TF: variants seen among roughly 807,000 people sequenced by gnomAD.
The protein encoded by TF is transferrin, also known as serotransferrin.
A neutral mutation model predicts 82.4 loss-of-function variants in TF; 55 were observed. That is an observed-to-expected ratio of 0.67 (90% confidence interval 0.54 to 0.84). TF has a LOEUF of 0.84. Among genes scored for constraint, TF ranks in the 40% least tolerant of loss-of-function variants. The probability of loss-of-function intolerance (pLI) is 0.00; values close to 1 mark genes in which losing one functional copy is unlikely to be tolerated. For missense variants in TF, 737 were observed against 868.4 expected, an observed-to-expected ratio of 0.85 and a Z score of 1.90; for synonymous variants, 332 against 332.6, an observed-to-expected ratio of 1.00 and a Z score of 0.02.
the TF span, among the ~76,000 whole-genome samples, chr3:133,713,575 A>T: frequency 1.3e-5 from 2 of 152,228 alleles, no homozygotes. Flanking sequence ...TCTTATAAGC[A>T]TGTTACATCT....
chr3:133,668,260 C>G, the TF span, among the ~76,000 whole-genome samples: 2 of 152,252 alleles, frequency 1.3e-5, no homozygotes, highest in African/African-American at 2.4e-5. Flanking sequence ...TTTCGCAGCA[C>G]AAGTAGGTGG....
At chr3:133,676,757 C>T in the TF span, among the ~76,000 whole-genome samples, 15 of 152,238 alleles carry the variant, frequency 9.9e-5, no homozygotes, top group African/African-American at 3.4e-4. Context: ...CCGCTGGGAT[C>T]GTTCCTAAAT....
chr3:133,702,776 T>C, the TF span, among the ~76,000 whole-genome samples: 1 of 152,170 alleles, frequency 6.6e-6, no homozygotes. Flanking sequence ...TAGAAGGCTA[T>C]GCAACCATTT....
chr3:133,684,649 A>G, the TF span, among the ~76,000 whole-genome samples: 2 of 152,170 alleles, frequency 1.3e-5, no homozygotes, highest in African/African-American at 4.8e-5. Flanking sequence ...CCAAGACTAA[A>G]CCAGGAAGAA....
chr3:133,760,773 C>A, intron 9 of TF: 1 of 163,298 alleles, frequency 6.1e-6, no homozygotes, highest in East Asian at 1.8e-4. Context: ...AACCAAAGAC[C>A]AACATTGCCA....
intron 9 of TF, chr3:133,760,493 G>A (rs1261574711): frequency 6.5e-6 from 1 of 153,788 alleles, no homozygotes; most frequent in African/African-American, 2.4e-5. Context: ...TTCAAAACCT[G>A]AGTCTATACA....
chr3:133,778,434 G>T (rs1934449824), intron 16 of TF, 152 bp from the exon 17 acceptor site: 2 of 741,460 alleles, frequency 2.7e-6, no homozygotes, highest in Non-Finnish European at 4.5e-6. Flanking sequence ...CAGGCAAGTA[G>T]AAAAGAGCAC....
chr3:133,766,802 C>A (rs1934138030), intron 12 of TF, among the ~76,000 whole-genome samples: 2 of 152,112 alleles, frequency 1.3e-5, no homozygotes, highest in Admixed American at 1.3e-4. Context: ...TCAAGGTCAC[C>A]CCATGGTTGC....
At chr3:133,777,017 A>G (rs769664827) in intron 15 of TF, 32 bp from the exon 16 acceptor site, 18 of 1,606,414 alleles carry the variant, frequency 1.1e-5, no homozygotes, top group Admixed American at 5.0e-5. Context: ...AAAGACCACA[A>G]GGTCCTCACG....
At chr3:133,751,604 G>T (rs1434023471) in intron 2 of TF, among the ~76,000 whole-genome samples, 6 of 152,198 alleles carry the variant, frequency 3.9e-5, no homozygotes, top group Non-Finnish European at 7.3e-5. Flanking sequence ...TGTTTAATGT[G>T]TAAAGAGTTT....
chr3:133,696,204 C>A, the TF span, among the ~76,000 whole-genome samples: 1 of 152,016 alleles, frequency 6.6e-6, no homozygotes, highest in African/African-American at 2.4e-5. Context: ...GCAGGAGAAT[C>A]GCTTAAGCCT....
chr3:133,671,448 AG>A, the TF span, among the ~76,000 whole-genome samples: 2 of 152,124 alleles, frequency 1.3e-5, no homozygotes, highest in African/African-American at 2.4e-5. Flanking sequence ...TAGAGAAGAG[AG>A]GCTGAAAAAT....
At chr3:133,729,968 T>G in the TF span, among the ~76,000 whole-genome samples, 24 of 152,372 alleles carry the variant, frequency 1.6e-4, no homozygotes, top group East Asian at 4.6e-3. Context: ...AGGTATTTTG[T>G]AAATTCCTCT....
the TF span, among the ~76,000 whole-genome samples, chr3:133,705,010 C>T: frequency 1.3e-5 from 2 of 152,206 alleles, no homozygotes; most frequent in Non-Finnish European, 2.9e-5. Flanking sequence ...CGTGGTGGCT[C>T]ACACCTGTAA....
the TF span, among the ~76,000 whole-genome samples, chr3:133,724,811 C>T: frequency 2.6e-5 from 4 of 152,188 alleles, no homozygotes; most frequent in Non-Finnish European, 5.9e-5. Flanking sequence ...AGTCTTTAAT[C>T]CATCTTGAAT....
At chr3:133,771,971 TTTTCCTGGGCAACTCATCCAGAA>T (rs1304101800) in intron 14 of TF, among the ~76,000 whole-genome samples, 1 of 151,988 alleles carries the variant, frequency 6.6e-6, no homozygotes, top group African/African-American at 2.4e-5. Context: ...AACTCCTCAC[TTTTCCTGGGCAACTCATCCAGAA>T]TGAACCGGCT....
chr3:133,743,805 T>C (rs1933437272), upstream of TF, among the ~76,000 whole-genome samples: 1 of 152,162 alleles, frequency 6.6e-6, no homozygotes, highest in Non-Finnish European at 1.5e-5. Context: ...TGGAGCGCTG[T>C]AATGTTAACC....
chr3:133,759,953 AT>A (rs1933946440), intron 9 of TF, among the ~76,000 whole-genome samples: 1 of 152,130 alleles, frequency 6.6e-6, no homozygotes, highest in Admixed American at 6.6e-5. Flanking sequence ...TATTGGGATC[AT>A]TTCATGTAGG....
chr3:133,664,451 TAGCTGGGGTTAC>T, the TF span, among the ~76,000 whole-genome samples: 1 of 152,128 alleles, frequency 6.6e-6, no homozygotes, highest in South Asian at 2.1e-4. Flanking sequence ...GCCTCCCAAG[TAGCTGGGGTTAC>T]AGGCGTCTGC....
Sources: gnomAD v4.1 joint callset for allele counts (sites outside exome capture counted in the v4.1 genomes callset) on GRCh38, gnomAD v4.1.1 for gene constraint, MANE v1.5 for transcripts, NCBI Gene and HGNC (gene_info 2026-07-23, HGNC 2026-07-21) for gene names.